Variants in SEPTIN11 observed in about 807,000 individuals in gnomAD.
SEPTIN11 encodes the protein septin-11.
In SEPTIN11, 25 loss-of-function variants were observed where a neutral mutation model predicts 51.4. The ratio of observed to expected loss-of-function variants is 0.49; its 90% confidence interval spans 0.35 to 0.68. SEPTIN11 has a LOEUF of 0.68. Ranked by LOEUF, SEPTIN11 falls within the 30% of genes least tolerant of loss-of-function variation. The pLI, the probability that SEPTIN11 is intolerant of heterozygous loss-of-function variation, is 0.00. For missense variants in SEPTIN11, 381 were observed against 520.8 expected (o/e 0.73, Z 2.61); for synonymous variants, 174 against 184.1 (o/e 0.95, Z 0.44).
In SEPTIN11 at chr4:77,037,780, C is replaced by G. The variant is rs1253182753; in HGVS notation, c.*3268C>G. The G allele has an allele frequency of 1.8e-5, 18 of 985,750 alleles. No individual in the cohort carries two copies. Among genetic ancestry groups the G allele is most frequent in the Non-Finnish European group, 2.2e-5 (18 of 829,940 alleles). 61.1% of individuals were successfully genotyped at this position (985,750 alleles called of 1,614,324 possible). A position where few individuals can be genotyped will look rare whatever the true frequency, so the allele number is the denominator to read the frequency against. On this transcript the variant is annotated 3_prime_UTR_variant, in exon 10 of 10. Transcript: ENST00000264893. Reference sequence around the variant, plus strand: ...GGCAGTTCAGATTGTGTTTTCCCAACTTAGGCTCTTTATTAATTGGTTAAG... The same window carrying G: ...GGCAGTTCAGATTGTGTTTTCCCAAGTTAGGCTCTTTATTAATTGGTTAAG...
In SEPTIN11 at chr4:77,011,823, C is replaced by A. The variant is rs1466044094; in HGVS notation, c.427C>A (p.His143Asn). 4 of 1,614,028 alleles carry A rather than the reference C, an allele frequency of 2.5e-6. No homozygotes were observed. Among genetic ancestry groups the A allele is most frequent in the Non-Finnish European group, 3.4e-6 (4 of 1,179,902 alleles). The change falls in exon 4 of 10, where the codon CAT (histidine) becomes AAT (asparagine). Residue 143 changes from histidine to asparagine, a missense_variant. Coordinates refer to ENST00000264893, the MANE Select transcript of SEPTIN11 (RefSeq NM_018243.4). ...LKIKRSLFNY[H>N]DTRIHACLYF... ...GATTAAACGTTCTCTCTTCAACTAC[C>A]ATGACACGAGGATCCATGCCTGCCT...
At chr4:77,007,276 C>T (rs1342501690) in intron 3 of SEPTIN11, among the ~76,000 whole-genome samples, 1 of 152,174 alleles carries the variant, frequency 6.6e-6, no homozygotes, top group African/African-American at 2.4e-5. Context: ...CAGAGCAAGG[C>T]CTGTTCTCCA....
chr4:76,979,370 G>A (rs937752033), intron 1 of SEPTIN11, among the ~76,000 whole-genome samples: 3 of 152,172 alleles, frequency 2.0e-5, no homozygotes, highest in African/African-American at 7.2e-5. Flanking sequence ...TTTGACAAGT[G>A]GAGTTGAAGG....
intron 4 of SEPTIN11, among the ~76,000 whole-genome samples, chr4:77,013,431 A>G (rs1166347552): frequency 6.6e-6 from 1 of 152,216 alleles, no homozygotes; most frequent in Non-Finnish European, 1.5e-5. Context: ...TTAAAACTAA[A>G]TTGCTTGATT....
intron 7 of SEPTIN11, chr4:77,021,703 A>G (rs1170461434): frequency 4.6e-5 from 7 of 152,408 alleles, no homozygotes; most frequent in African/African-American, 1.7e-4. Context: ...TTTGGCCTAC[A>G]ACACACTCTG....
rs1311549906 is a variant in SEPTIN11 at position 77,030,890 on chromosome 4, G to A, written c.1194G>A (p.Lys398=). ...AGGAGGTGAACAACTTCCAGAAGAA[G>A]AAAGCAGCGGCTCAGTTACTACAGT... ...LEEEVNNFQK[K]KAAAQLLQSQ... Residue 398 remains lysine, a synonymous_variant, in exon 9 of 10, where the codon AAG becomes AAA. Transcript: ENST00000264893. The A allele has an allele frequency of 1.2e-6, 2 of 1,613,740 alleles. No homozygotes were observed. Among genetic ancestry groups the A allele is most frequent in the African/African-American group, 1.3e-5 (1 of 74,938 alleles).
In SEPTIN11 at chr4:77,035,738, C is replaced by G; in HGVS notation, c.*1226C>G. ...CCTGCTCTTTGTCTAAGGCCCTTGCCTCATCAGGGATTAGAACTGGCCCAT... is the reference window on the plus strand; with the variant it reads ...CCTGCTCTTTGTCTAAGGCCCTTGCGTCATCAGGGATTAGAACTGGCCCAT... On this transcript the variant is annotated 3_prime_UTR_variant, in exon 10 of 10. Coordinates refer to ENST00000264893, the MANE Select transcript of SEPTIN11 (RefSeq NM_018243.4). 1 of 985,896 alleles carries G rather than the reference C, an allele frequency of 1.0e-6. No individual in the cohort carries two copies. Among genetic ancestry groups the G allele is most frequent in the South Asian group, 4.7e-5 (1 of 21,292 alleles). 61.1% of individuals were successfully genotyped at this position (985,896 alleles called of 1,614,324 possible).
chr4:76,964,295 A>G (rs1388318687), intron 1 of SEPTIN11, among the ~76,000 whole-genome samples: 4 of 108,700 alleles, frequency 3.7e-5, no homozygotes, highest in African/African-American at 1.4e-4. Flanking sequence ...TTCTTGGCCA[A>G]TCATTTTTTT....
At chr4:76,963,246 C>A (rs144196043) in intron 1 of SEPTIN11, among the ~76,000 whole-genome samples, 1 of 152,322 alleles carries the variant, frequency 6.6e-6, no homozygotes, top group East Asian at 1.9e-4. Flanking sequence ...ATTGGCTTTG[C>A]CACTAAACCC....
At position 77,037,428 on chromosome 4, in the gene SEPTIN11, C is replaced by G; in HGVS notation, c.*2916C>G. 1.0e-6 allele frequency: 1 copy of G among 985,210 alleles called. No homozygotes were observed. Among genetic ancestry groups the G allele is most frequent in the South Asian group, 4.7e-5 (1 of 21,272 alleles). 61.0% of individuals were successfully genotyped at this position (985,210 alleles called of 1,614,324 possible). ...GCCTCATGGGCATCATTGGATAGCT[C>G]AGAGGGCCCTTGATTCTGGCAAGGC... is the stretch of plus-strand genomic sequence containing the variant. On this transcript the variant is annotated 3_prime_UTR_variant, in exon 10 of 10. Coordinates refer to ENST00000264893, the MANE Select transcript of SEPTIN11 (RefSeq NM_018243.4).
At chr4:77,012,221 A>G (rs1724919893) in intron 4 of SEPTIN11, among the ~76,000 whole-genome samples, 1 of 152,144 alleles carries the variant, frequency 6.6e-6, no homozygotes, top group Non-Finnish European at 1.5e-5. Context: ...AAAAAAAAAA[A>G]CTTTCTCTAA....
intron 1 of SEPTIN11, among the ~76,000 whole-genome samples, chr4:76,983,993 C>T (rs994502363): frequency 1.3e-5 from 2 of 151,984 alleles, no homozygotes; most frequent in Non-Finnish European, 2.9e-5. Context: ...GGCGACAGAG[C>T]AAGACTCCAT....
At chr4:76,988,310 C>G (rs1334056838) in intron 1 of SEPTIN11, among the ~76,000 whole-genome samples, 1 of 152,124 alleles carries the variant, frequency 6.6e-6, no homozygotes, top group Non-Finnish European at 1.5e-5. Context: ...TCTGTGTGCC[C>G]CATTACCCTG....
chr4:76,955,456 C>T (rs1721519451), intron 1 of SEPTIN11, among the ~76,000 whole-genome samples: 1 of 152,092 alleles, frequency 6.6e-6, no homozygotes, highest in Admixed American at 6.5e-5. Flanking sequence ...GGAACGTCAG[C>T]CTTAGGGTTG....
intron 1 of SEPTIN11, among the ~76,000 whole-genome samples, chr4:76,955,638 A>G (rs1578113255): frequency 6.6e-6 from 1 of 152,334 alleles, no homozygotes; most frequent in East Asian, 1.9e-4. Flanking sequence ...TTGAAGGAAG[A>G]CAAAGAAAAT....
At position 76,961,536 on chromosome 4, in the gene SEPTIN11, G is replaced by A. The variant is rs72607856; in HGVS notation, c.27+11606G>A. Among the ~76,000 whole-genome samples, 213 of 152,238 alleles carry A rather than the reference G, an allele frequency of 1.4e-3. 6 individuals carry two copies. The East Asian group carries it at 0.037, about 27-fold the overall frequency. ...TATTGAAAATATCTAAGTTTAAAACGCATTTAATACACCTCGCCTACTGAA... is the reference window on the plus strand; with the variant it reads ...TATTGAAAATATCTAAGTTTAAAACACATTTAATACACCTCGCCTACTGAA... On this transcript the variant is annotated intron_variant, in intron 1 of 9. Coordinates refer to ENST00000264893, the MANE Select transcript of SEPTIN11 (RefSeq NM_018243.4).
Position 77,036,206 on chromosome 4 carries a change from C to T in SEPTIN11, c.*1694C>T. 1 of 991,518 alleles carries T rather than the reference C, an allele frequency of 1.0e-6. No homozygotes were observed. Among genetic ancestry groups the T allele is most frequent in the Non-Finnish European group, 1.2e-6 (1 of 833,814 alleles). 61.4% of individuals were successfully genotyped at this position (991,518 alleles called of 1,614,324 possible). On this transcript the variant is annotated 3_prime_UTR_variant, in exon 10 of 10. Coordinates refer to ENST00000264893, the MANE Select transcript of SEPTIN11 (RefSeq NM_018243.4). Reference sequence around the variant, plus strand: ...AAACAAAGCTGGAATAGAAACTACACACTAGACACAGCAGTAGTCATAGTC... The same window carrying T: ...AAACAAAGCTGGAATAGAAACTACATACTAGACACAGCAGTAGTCATAGTC...
At chr4:77,018,309 C>T (rs1449505987) in intron 5 of SEPTIN11, among the ~76,000 whole-genome samples, 1 of 152,024 alleles carries the variant, frequency 6.6e-6, no homozygotes, top group Non-Finnish European at 1.5e-5. Flanking sequence ...ATTAGCTGGG[C>T]ATGGTGGCCG....
chr4:76,952,912 A>T (rs1015091726), intron 1 of SEPTIN11, among the ~76,000 whole-genome samples: 2 of 152,110 alleles, frequency 1.3e-5, no homozygotes, highest in African/African-American at 4.8e-5. Context: ...ATGGCAATTT[A>T]CTCTACTTGG....
Sources: allele counts gnomAD v4.1 joint callset (sites outside exome capture counted in the v4.1 genomes callset), GRCh38; gene constraint gnomAD v4.1.1; transcripts MANE v1.5; gene names NCBI Gene and HGNC (gene_info 2026-07-23, HGNC 2026-07-21).